Variants in LUC7L observed in about 807,000 individuals in gnomAD.
LUC7L encodes LUC7 like.
LUC7L carries 29 observed loss-of-function variants against 51.1 expected under a neutral mutation model. The observed-to-expected ratio is 0.57, with a 90% CI of 0.42 to 0.77. The LOEUF (loss-of-function observed/expected upper bound fraction) is 0.77, where lower values mean the gene tolerates loss of function less well. Ranked by LOEUF, LUC7L falls within the 30% of genes least tolerant of loss-of-function variation. The probability of loss-of-function intolerance (pLI) is 0.00; values close to 1 mark genes in which losing one functional copy is unlikely to be tolerated. For missense variants in LUC7L, 403 were observed against 511.9 expected (o/e 0.79, Z 2.05); for synonymous variants, 181 against 180.7 (o/e 1.00, Z -0.01).
chr16:194,241 A>T (rs2049092787), intron 6 of LUC7L, among the ~76,000 whole-genome samples: 1 of 152,098 alleles, frequency 6.6e-6, no homozygotes, highest in East Asian at 1.9e-4. Flanking sequence ...AGTAGCTGGG[A>T]CTATAGGCGT....
chr16:212,031 C>T (rs772608852), intron 3 of LUC7L, among the ~76,000 whole-genome samples: 15 of 152,132 alleles, frequency 9.9e-5, no homozygotes, highest in Admixed American at 2.0e-4. Context: ...CGGTGGCTCA[C>T]GCCTGTAATC....
At chr16:190,258 G>A in intron 8 of LUC7L, 123 bp from the exon 9 acceptor site, 3 of 909,654 alleles carry the variant, frequency 3.3e-6, no homozygotes, top group Non-Finnish European at 3.3e-6. Flanking sequence ...CACAAATTTA[G>A]GTTTAAAATA....
At chr16:220,783 C>T (rs897894966) in intron 2 of LUC7L, 36 bp from the exon 3 acceptor site, 18 of 1,397,836 alleles carry the variant, frequency 1.3e-5, no homozygotes, top group Middle Eastern at 1.7e-4. Context: ...GACCTCAGTG[C>T]CTACCTACTG....
intron 5 of LUC7L, among the ~76,000 whole-genome samples, chr16:201,529 TC>T (rs1370657990): frequency 6.6e-6 from 1 of 151,748 alleles, no homozygotes; most frequent in Non-Finnish European, 1.5e-5. Context: ...AAGCTCTGCC[TC>T]CCGGGTCCAC....
intron 3 of LUC7L, among the ~76,000 whole-genome samples, chr16:212,103 G>A (rs527645604): frequency 9.2e-5 from 14 of 152,296 alleles, no homozygotes; most frequent in African/African-American, 3.4e-4. Context: ...AGATCAGCCT[G>A]ACCAACAAGG....
In LUC7L at chr16:189,314, C is replaced by G. The variant is rs751180904; in HGVS notation, c.1000G>C (p.Glu334Gln). 1.9e-6 allele frequency: 3 copies of G among 1,612,176 alleles called. No homozygotes were observed. The highest frequency in any genetic ancestry group is 2.7e-5 in the African/African-American group (2 of 74,898). ...YKFSRERASR[E>Q]ESWESGRSER... ...CTCCGCCCGCTCTCCCAGGACTCCT[C>G]TCTGGATGCCCGCTCTCTGGAGAAC... Residue 334 changes from glutamate to glutamine, a missense_variant, in exon 10 of 10, where the codon GAG (glutamate) becomes CAG (glutamine). This residue lies in a region of LUC7L where 206 missense variants were observed against 218.3 expected (regional missense o/e 0.94). Transcript: ENST00000293872.
chr16:221,009 C>T (rs2049950047), intron 2 of LUC7L, among the ~76,000 whole-genome samples: 1 of 152,040 alleles, frequency 6.6e-6, no homozygotes, highest in Admixed American at 6.6e-5. Context: ...CTGTAATCAT[C>T]ACAACTACAT....
chr16:194,250 G>T (rs190905607), intron 6 of LUC7L, among the ~76,000 whole-genome samples: 3 of 152,138 alleles, frequency 2.0e-5, no homozygotes, highest in Non-Finnish European at 2.9e-5. Flanking sequence ...GACTATAGGC[G>T]TGTGCCACCA....
chr16:190,235 T>G (rs2048977307), intron 8 of LUC7L, 100 bp from the exon 9 acceptor site: 1 of 1,044,742 alleles, frequency 9.6e-7, no homozygotes, highest in South Asian at 1.5e-5. Flanking sequence ...ACTGACATTT[T>G]CTCCTTTACT....
chr16:220,555 T>C (rs1428315009), intron 3 of LUC7L, 94 bp downstream of exon 3: 5 of 910,918 alleles, frequency 5.5e-6, no homozygotes, highest in Non-Finnish European at 7.1e-6. Flanking sequence ...TACCTTATTA[T>C]TTTGCTTCAT....
At position 191,520 on chromosome 16, in the gene LUC7L, T is replaced by G. The variant is rs1321180681; in HGVS notation, c.777-950A>C. Among the ~76,000 whole-genome samples, 6 of 152,274 alleles carry G rather than the reference T, an allele frequency of 3.9e-5. No individual in the cohort carries two copies. The East Asian group carries it at 9.7e-4, about 24-fold the overall frequency. On this transcript the variant is annotated intron_variant, in intron 7 of 9. Transcript: ENST00000293872. ...GCTTAATATTTTCTTCTATACTGTTTAAGTTTCTCTCCAATCAGAATCTCC... is the reference window on the plus strand; with the variant it reads ...GCTTAATATTTTCTTCTATACTGTTGAAGTTTCTCTCCAATCAGAATCTCC...
chr16:228,717 G>A (rs2050188219), intron 1 of LUC7L: 2 of 1,216,330 alleles, frequency 1.6e-6, no homozygotes, highest in Non-Finnish European at 2.1e-6. Flanking sequence ...ACTGTCAAGC[G>A]CTGGCTACAC....
At chr16:200,467 A>C (rs1327035410) in intron 5 of LUC7L, among the ~76,000 whole-genome samples, 1 of 151,586 alleles carries the variant, frequency 6.6e-6, no homozygotes, top group Non-Finnish European at 1.5e-5. Context: ...AATTCCAGCT[A>C]CTGGAGAGGC....
intron 3 of LUC7L, among the ~76,000 whole-genome samples, chr16:214,107 G>A (rs552236166): frequency 8.6e-5 from 13 of 150,592 alleles, no homozygotes; most frequent in Admixed American, 5.3e-4. Flanking sequence ...TTGCTCTGTC[G>A]CCCAGGCTAG....
At chr16:189,783 C>T in intron 9 of LUC7L, 185 bp downstream of exon 9, 1 of 1,418,090 alleles carries the variant, frequency 7.1e-7, no homozygotes. Flanking sequence ...TCACCTGGCG[C>T]CGTGCGAGCT....
intron 6 of LUC7L, among the ~76,000 whole-genome samples, chr16:193,890 G>A (rs948917813): frequency 3.4e-5 from 5 of 147,102 alleles, no homozygotes; most frequent in Admixed American, 1.4e-4. Context: ...CGCAAGCTCC[G>A]CCTCCCGGGT....
intron 7 of LUC7L, 22 bp downstream of exon 7, chr16:192,905 C>T: frequency 1.9e-6 from 3 of 1,601,660 alleles, no homozygotes; most frequent in Non-Finnish European, 2.6e-6. Context: ...GCAGGCCATC[C>T]AGTGCCAGCC....
At chr16:204,046 A>C (rs1440807551) in intron 5 of LUC7L, among the ~76,000 whole-genome samples, 1 of 152,070 alleles carries the variant, frequency 6.6e-6, no homozygotes, top group Non-Finnish European at 1.5e-5. Flanking sequence ...ACCAAAAAAC[A>C]AATGACCAAT....
intron 2 of LUC7L, among the ~76,000 whole-genome samples, chr16:222,329 G>GA (rs35172319): frequency 0.54 from 62,536 of 115,640 alleles, 14,923 homozygotes; most frequent in South Asian, 0.61. Context: ...TACATAACCA[G>GA]AAAAAAAAAA....
Sources: allele counts gnomAD v4.1 joint callset (sites outside exome capture counted in the v4.1 genomes callset), GRCh38; gene constraint gnomAD v4.1.1; regional missense constraint gnomAD v4.1.1; transcripts MANE v1.5; gene names NCBI Gene and HGNC (gene_info 2026-07-23, HGNC 2026-07-21).